Variants in GALNT17 observed in about 807,000 individuals in gnomAD.
GALNT17 encodes polypeptide N-acetylgalactosaminyltransferase 17, also known as UDP-GalNAc:polypeptide N-acetylgalactosaminyltransferase-like 3.
A neutral mutation model predicts 63.7 loss-of-function variants in GALNT17; 29 were observed. The observed-to-expected ratio is 0.46, with a 90% CI of 0.34 to 0.62. The LOEUF (loss-of-function observed/expected upper bound fraction) is 0.62. GALNT17 is among the 20% of genes least tolerant of loss of function. The pLI, the probability that GALNT17 is intolerant of heterozygous loss-of-function variation, is 0.01. For synonymous variants in GALNT17, 305 were observed against 318.3 expected, an observed-to-expected ratio of 0.96 and a Z score of 0.45; for missense variants, 603 against 799.6, an observed-to-expected ratio of 0.75 and a Z score of 2.97.
Position 71,163,068 on chromosome 7 carries a change from C to G in GALNT17, c.238+30028C>G, listed in dbSNP as rs1272024775. Among the ~76,000 whole-genome samples, 5 of 152,100 alleles carry G rather than the reference C, an allele frequency of 3.3e-5. 1 individual carries two copies. The highest frequency in any genetic ancestry group is 7.4e-5 in the Non-Finnish European group (5 of 68,020). ...GGAGGTAGTGAGAAGTGGTCAGATCCTGAATATATTTTGAAGAAAGCACTG... is the reference window on the plus strand; with the variant it reads ...GGAGGTAGTGAGAAGTGGTCAGATCGTGAATATATTTTGAAGAAAGCACTG... On this transcript the variant is annotated intron_variant, in intron 1 of 10. Coordinates refer to ENST00000333538, the MANE Select transcript of GALNT17 (RefSeq NM_022479.3).
chr7:71,514,472 A>G (rs539888868), intron 5 of GALNT17, among the ~76,000 whole-genome samples: 8 of 152,164 alleles, frequency 5.3e-5, no homozygotes, highest in African/African-American at 1.9e-4. Context: ...AGATGTAGGC[A>G]CTGAGTCCTG....
intron 4 of GALNT17, among the ~76,000 whole-genome samples, chr7:71,419,177 C>T (rs1227994369): frequency 6.6e-6 from 1 of 152,216 alleles, no homozygotes; most frequent in Admixed American, 6.5e-5. Context: ...CTGAATGCTT[C>T]TAATGCATGA....
chr7:71,514,631 T>G lies in GALNT17; in HGVS notation c.963-56654T>G, dbSNP rs1788417227. Among the ~76,000 whole-genome samples, 5 of 152,144 alleles carry G rather than the reference T, an allele frequency of 3.3e-5. No homozygotes were observed. The South Asian group carries it at 1.0e-3, about 32-fold the overall frequency. ...TGCCTGTCTAGCCTGTCACTGGAAA[T>G]CTAGTTTGTCTTTCTGAAATGTGTT... On this transcript the variant is annotated intron_variant, in intron 5 of 10. Transcript: ENST00000333538.
chr7:71,534,112 A>C (rs971578172), intron 5 of GALNT17, among the ~76,000 whole-genome samples: 1 of 152,162 alleles, frequency 6.6e-6, no homozygotes, highest in African/African-American at 2.4e-5. Context: ...GTCTGTTCTC[A>C]TGCTACTAAT....
intron 6 of GALNT17, among the ~76,000 whole-genome samples, chr7:71,594,465 T>C (rs1377272536): frequency 6.6e-6 from 1 of 152,012 alleles, no homozygotes; most frequent in Non-Finnish European, 1.5e-5. Flanking sequence ...AATGTTTGTA[T>C]TTTTAGTAGA....
intron 1 of GALNT17, among the ~76,000 whole-genome samples, chr7:71,310,252 G>T (rs1791392975): frequency 6.6e-6 from 1 of 152,340 alleles, no homozygotes; most frequent in South Asian, 2.1e-4. Context: ...TCTCCAGGAT[G>T]AAATGAATCA....
intron 5 of GALNT17, among the ~76,000 whole-genome samples, chr7:71,477,638 A>G (rs1021014884): frequency 3.3e-5 from 5 of 152,186 alleles, no homozygotes; most frequent in Admixed American, 2.6e-4. Context: ...GCAGTGAGCT[A>G]TGATCGCATC....
chr7:71,702,006 G>A (rs980991041), intron 9 of GALNT17, among the ~76,000 whole-genome samples: 6 of 150,824 alleles, frequency 4.0e-5, no homozygotes, highest in Non-Finnish European at 7.4e-5. Context: ...GATGTAGCTG[G>A]AGGCCATTAT....
At chr7:71,405,180 G>A (rs1207727710) in intron 3 of GALNT17, among the ~76,000 whole-genome samples, 2 of 152,328 alleles carry the variant, frequency 1.3e-5, no homozygotes, top group African/African-American at 2.4e-5. Context: ...CAGCAGCTTT[G>A]TATTAGCAGA....
At chr7:71,380,436 A>G (rs1792823553) in intron 2 of GALNT17, among the ~76,000 whole-genome samples, 1 of 151,700 alleles carries the variant, frequency 6.6e-6, no homozygotes, top group African/African-American at 2.4e-5. Flanking sequence ...CCTGGGCTCA[A>G]GCCATCCTCC....
chr7:71,160,506 T>G (rs1463679196), intron 1 of GALNT17, among the ~76,000 whole-genome samples: 1 of 152,196 alleles, frequency 6.6e-6, no homozygotes, highest in Non-Finnish European at 1.5e-5. Flanking sequence ...TTGCCTAGGC[T>G]GGAGTGCAAT....
chr7:71,650,566 A>T (rs908661043), intron 6 of GALNT17, among the ~76,000 whole-genome samples: 1 of 152,220 alleles, frequency 6.6e-6, no homozygotes, highest in Non-Finnish European at 1.5e-5. Flanking sequence ...GGATGTGGAC[A>T]GACCCGTCCT....
In GALNT17 at chr7:71,139,399, A is replaced by G. The variant is rs117646463; in HGVS notation, c.238+6359A>G. On this transcript the variant is annotated intron_variant, in intron 1 of 10. Coordinates refer to ENST00000333538, the MANE Select transcript of GALNT17 (RefSeq NM_022479.3). Reference sequence around the variant, plus strand: ...CAGCTCTGTCATAAGAAGAAATGCAATCGATTCAACTTAGTTACCAAATTT... The same window carrying G: ...CAGCTCTGTCATAAGAAGAAATGCAGTCGATTCAACTTAGTTACCAAATTT... 1.0e-3 allele frequency among the ~76,000 whole-genome samples: 152 copies of G among 152,344 alleles called. 1 individual carries two copies. Among genetic ancestry groups the G allele is most frequent in the Admixed American group, 2.4e-3 (36 of 15,302 alleles).
chr7:71,321,036 A>G (rs1202612026), intron 1 of GALNT17, among the ~76,000 whole-genome samples: 1 of 152,168 alleles, frequency 6.6e-6, no homozygotes, highest in Admixed American at 6.5e-5. Flanking sequence ...AGTGGAGGAG[A>G]GAGAATTTTC....
intron 2 of GALNT17, among the ~76,000 whole-genome samples, chr7:71,351,391 A>G (rs539661069): frequency 3.3e-4 from 50 of 152,090 alleles, no homozygotes; most frequent in Non-Finnish European, 5.9e-4. Context: ...GGTTGATAAT[A>G]TACCCCCAAA....
intron 3 of GALNT17, among the ~76,000 whole-genome samples, chr7:71,411,625 A>T (rs1472178908): frequency 6.6e-6 from 1 of 152,182 alleles, no homozygotes; most frequent in Non-Finnish European, 1.5e-5. Flanking sequence ...GTGTTCCACC[A>T]GAGCCAGGCT....
chr7:71,709,578 GT>G lies in GALNT17; in HGVS notation c.1501-1172del, dbSNP rs5884857. 2.8e-3 allele frequency among the ~76,000 whole-genome samples: 407 copies of G among 143,894 alleles called. 3 individuals carry two copies. The highest frequency in any genetic ancestry group is 0.01 in the African/African-American group (387 of 38,246). The allele number at this position is 143,894 out of a possible 152,430, so 94.4% of individuals were successfully genotyped here. The stretch of plus-strand genomic sequence containing the variant: ...CTCTGATTTTAGTTTCAGTTTTTGG[GT>G]TTTTTTTTTTGTTTTTTTGGTTTTT... On this transcript the variant is annotated intron_variant, in intron 9 of 10. Transcript: ENST00000333538.
intron 2 of GALNT17, among the ~76,000 whole-genome samples, chr7:71,337,699 C>T (rs972797229): frequency 5.9e-5 from 9 of 151,786 alleles, no homozygotes; most frequent in Non-Finnish European, 1.2e-4. Context: ...AAAACCCCGT[C>T]TCTACTAAAA....
intron 5 of GALNT17, among the ~76,000 whole-genome samples, chr7:71,461,223 T>C (rs952300668): frequency 1.2e-4 from 16 of 130,016 alleles, no homozygotes; most frequent in Admixed American, 1.2e-3. Flanking sequence ...GTTGACACCG[T>C]AGACTTGTCA....
Sources: allele counts gnomAD v4.1 joint callset (sites outside exome capture counted in the v4.1 genomes callset), GRCh38; gene constraint gnomAD v4.1.1; transcripts MANE v1.5; gene names NCBI Gene and HGNC (gene_info 2026-07-23, HGNC 2026-07-21).